TTN: variants seen among roughly 807,000 people sequenced by gnomAD.
The protein encoded by TTN is titin.
In TTN, 1,525 loss-of-function variants were observed where a neutral mutation model predicts 3,223.0. The ratio of observed to expected loss-of-function variants is 0.47; its 90% CI spans 0.45 to 0.49. TTN has a LOEUF of 0.49. Among genes scored for constraint, TTN ranks in the 20% least tolerant of loss-of-function variants. The pLI is 0.00. For missense variants in TTN, 40,786 were observed against 43,424.0 expected, an observed-to-expected ratio of 0.94 and a Z score of 5.40; for synonymous variants, 14,094 against 15,161.0, an observed-to-expected ratio of 0.93 and a Z score of 5.17.
At chr2:178,606,917 A>G in intron 278 of TTN, 104 bp downstream of exon 278, 2 of 1,283,500 alleles carry the variant, frequency 1.6e-6, no homozygotes, top group Non-Finnish European at 2.1e-6. Context: ...CTCTTTAGCT[A>G]TAGATTTTGA....
intron 206 of TTN, 62 bp downstream of exon 206, chr2:178,651,604 C>A (rs1300901231): frequency 1.1e-5 from 18 of 1,611,764 alleles, no homozygotes; most frequent in East Asian, 2.2e-5. Flanking sequence ...TGAAGCAGAA[C>A]AGTAGAATAT....
chr2:178,700,485 C>G (rs779648873), intron 111 of TTN, among the ~76,000 whole-genome samples: 1 of 152,104 alleles, frequency 6.6e-6, no homozygotes, highest in African/African-American at 2.4e-5. Context: ...TCTGAACTCC[C>G]TATAACTCCA....
At chr2:178,601,814 A>T (rs560310832) in intron 285 of TTN, 27 bp from the exon 286 acceptor site, 2 of 1,603,702 alleles carry the variant, frequency 1.2e-6, no homozygotes, top group East Asian at 4.5e-5. Context: ...GTAGTCATAC[A>T]TTGAATGAAA....
chr2:178,614,411 T>C, intron 261 of TTN, 55 bp downstream of exon 261: 2 of 1,578,748 alleles, frequency 1.3e-6, no homozygotes, highest in South Asian at 1.2e-5. Flanking sequence ...TTTTTTTCTT[T>C]CAAGAAAGTA....
Position 178,636,889 on chromosome 2 carries a change from T to A in TTN, c.40928-90A>T. On this transcript the variant is annotated intron_variant, in intron 224 of 362. Transcript: ENST00000589042. This position sits in a 1 kb window ranked among gnomAD's most constrained non-coding sequence, Gnocchi z 4.3. ...GCTGCCTGCTGGATAAAACCAGCCG[T>A]AAAGCAATTAGAAGACGAGAAAACT... 1 of 1,394,210 alleles carries A rather than the reference T, an allele frequency of 7.2e-7. No homozygotes were observed. The highest frequency in any genetic ancestry group is 9.5e-7 in the Non-Finnish European group (1 of 1,049,200). The allele number at this position is 1,394,210 out of a possible 1,614,324, so 86.4% of individuals were successfully genotyped here. A position where few individuals can be genotyped will look rare whatever the true frequency, so the allele number is the denominator to read the frequency against.
At chr2:178,579,874 GTAAGCCCCATA>G in intron 318 of TTN, 26 bp from the exon 319 acceptor site, 1 of 1,612,378 alleles carries the variant, frequency 6.2e-7, no homozygotes, top group Non-Finnish European at 8.5e-7. Context: ...AATGATAAGT[GTAAGCCCCATA>G]TAACAAAGGA....
intron 236 of TTN, 63 bp from the exon 237 acceptor site, chr2:178,631,363 G>T (rs542907173): frequency 6.7e-7 from 1 of 1,492,648 alleles, no homozygotes; most frequent in Non-Finnish European, 8.9e-7. Context: ...CAATCTCTTG[G>T]AAAGTTTAAG....
At chr2:178,804,500 CT>C in intron 2 of TTN, 51 bp downstream of exon 2, 1 of 1,572,670 alleles carries the variant, frequency 6.4e-7, no homozygotes, top group Non-Finnish European at 8.7e-7. Flanking sequence ...CGTTAACTTA[CT>C]GGAGAGGAGG....
chr2:178,675,358 T>G, intron 149 of TTN: 1 of 385,650 alleles, frequency 2.6e-6, no homozygotes, highest in Non-Finnish European at 4.4e-6. Context: ...TTTTCTTTTG[T>G]CTTTTTTTTT....
At position 178,589,803 on chromosome 2, in the gene TTN, C is replaced by T. The variant is rs199895260; in HGVS notation, c.61922G>A (p.Arg20641Gln). The stretch of plus-strand genomic sequence containing the variant: ...ACCTACTTTATTCTCTGCACAAACT[C>T]GGAAATAGTATTCATTGTTGGCTAA... ...NLLANNEYYF[R>Q]VCAENKVGVG... The change falls in exon 304 of 363, where the codon CGA becomes CAA. Residue 20641 changes from arginine to glutamine, a missense_variant. Physicochemically the swap from Arg to Gln is conservative, Grantham distance 43. Transcript: ENST00000589042. 2.8e-3 allele frequency: 4,465 copies of T among 1,613,528 alleles called. 7 individuals carry two copies. The highest frequency in any genetic ancestry group is 3.5e-3 in the Middle Eastern group (21 of 6,056).
chr2:178,652,884 C>G lies in TTN; in HGVS notation c.38923G>C (p.Ala12975Pro). The stretch of plus-strand genomic sequence containing the variant: ...GGGACTTCAGGCTTTTTAGGAGGAG[C>G]CAAGGGCATTTTCTTTTCAGGAACA... Reference protein sequence around the residue: ...EVVPEKKMPLAPPKKPEVPPV... With the variant: ...EVVPEKKMPLPPPKKPEVPPV... Residue 12975 changes from alanine to proline, a missense_variant, in exon 200 of 363, where the codon GCT (alanine) becomes CCT (proline). Physicochemically the swap from Ala to Pro is conservative, Grantham distance 27. Transcript: ENST00000589042. 6.2e-7 allele frequency: 1 copy of G among 1,610,588 alleles called. No homozygotes were observed. The highest frequency in any genetic ancestry group is 2.2e-5 in the East Asian group (1 of 44,770).
At position 178,734,491 on chromosome 2, in the gene TTN, G is replaced by A. The variant is rs368695667; in HGVS notation, c.15333C>T (p.Asp5111=). The change falls in exon 52 of 363, where the codon GAC becomes GAT. Residue 5111 remains aspartate, a synonymous_variant. Coordinates refer to ENST00000589042, the MANE Select transcript of TTN (RefSeq NM_001267550.2). ...TGPFEISWFK[D]KKQIRSSKKY... is the part of the protein sequence containing the mutation. ...TTTTACTACTTCGAATTTGTTTCTT[G>A]TCTTTGAACCAGCTAATTTCAAATG... 1.4e-4 allele frequency: 229 copies of A among 1,613,546 alleles called. No individual in the cohort carries two copies. Among genetic ancestry groups the A allele is most frequent in the Non-Finnish European group, 1.9e-4 (223 of 1,179,742 alleles).
chr2:178,687,474 G>A (rs2071224082), intron 127 of TTN, among the ~76,000 whole-genome samples: 1 of 151,972 alleles, frequency 6.6e-6, no homozygotes, highest in Admixed American at 6.5e-5. Context: ...ATAACACAAT[G>A]GTTTTCTCCA....
intron 152 of TTN, 29 bp downstream of exon 152, chr2:178,673,604 A>C: frequency 6.7e-7 from 1 of 1,496,600 alleles, no homozygotes; most frequent in Non-Finnish European, 8.9e-7. Flanking sequence ...TGGGAAGTTA[A>C]AGATATTAAT....
intron 157 of TTN, 45 bp downstream of exon 157, chr2:178,670,173 T>TA: frequency 7.6e-7 from 1 of 1,308,768 alleles, no homozygotes; most frequent in Non-Finnish European, 1.0e-6. Flanking sequence ...AGTAAGTGAA[T>TA]AAAAAAGGAT....
In TTN at chr2:178,566,166, T is replaced by G. The variant is rs1333413620; in HGVS notation, c.79966A>C (p.Asn26656His). Residue 26656 changes from asparagine (N) to histidine (H), a missense_variant, in exon 326 of 363, where the codon AAT becomes CAT. By Grantham distance (68) the Asn-to-His change is moderately conservative. Transcript: ENST00000589042. ...TQLSIDNCDR[N>H]DAGKYILKLE... ...TTAAGAATGTATTTTCCAGCATCAT[T>G]TCTATCACAGTTATCTATTGATAGT... 3.1e-6 allele frequency: 5 copies of G among 1,613,582 alleles called. No individual in the cohort carries two copies.
In TTN at chr2:178,547,294, C is replaced by T. The variant is rs745652405; in HGVS notation, c.94231G>A (p.Ala31411Thr). ...IAEHPFVPPSAPTRPEVYHVS... is the reference protein window; with the variant it reads ...IAEHPFVPPSTPTRPEVYHVS... ...TGGTAGACCTCAGGTCTGGTAGGAG[C>T]GCTTGGTGGGACTAAATATAAACAA... The change falls in exon 340 of 363, where the codon GCT (alanine) becomes ACT (threonine). Residue 31411 changes from alanine to threonine, a missense_variant. By Grantham distance (58) the Ala-to-Thr change is moderately conservative (BLOSUM62 0). Transcript: ENST00000589042. 27 of 1,605,944 alleles carry T rather than the reference C, an allele frequency of 1.7e-5. No homozygotes were observed. The highest frequency in any genetic ancestry group is 1.3e-4 in the East Asian group (6 of 44,798).
Position 178,610,319 on chromosome 2 carries a change from T to C in TTN, c.51207A>G (p.Glu17069=). 6.2e-7 allele frequency: 1 copy of C among 1,612,880 alleles called. No homozygotes were observed. The highest frequency in any genetic ancestry group is 1.1e-5 in the South Asian group (1 of 91,046). The change falls in exon 271 of 363, where the codon GAA becomes GAG. Residue 17069 remains glutamate (E), a synonymous_variant. Transcript: ENST00000589042. The part of the protein sequence containing the change: ...ITKSSCKLTW[E]PPEFDGGTPI... ...GGGTTCCACCATCAAATTCTGGAGG[T>C]TCCCAAGTTAACTTACAAGAACTCT... is the stretch of plus-strand genomic sequence containing the variant.
chr2:178,737,902 G>T, intron 49 of TTN, 180 bp downstream of exon 49: 1 of 627,572 alleles, frequency 1.6e-6, no homozygotes, highest in Non-Finnish European at 2.5e-6. Flanking sequence ...GTAGAAATGT[G>T]ACTGTAAATA....
Sources: allele counts gnomAD v4.1 joint callset (sites outside exome capture counted in the v4.1 genomes callset), GRCh38; gene constraint gnomAD v4.1.1; non-coding constraint Gnocchi (gnomAD v3.1); transcripts MANE v1.5; gene names NCBI Gene and HGNC (gene_info 2026-07-23, HGNC 2026-07-21).